The following ATP9B variants were observed in gnomAD, a reference collection of about 807,000 sequenced individuals.
ATP9B encodes probable phospholipid-transporting ATPase IIB.
ATP9B carries 110 observed loss-of-function variants against 146.1 expected under a neutral mutation model. The observed-to-expected ratio is 0.75, with a 90% confidence interval of 0.65 to 0.88. The LOEUF is 0.88. Among genes scored for constraint, ATP9B ranks in the 40% least tolerant of loss-of-function variants. The probability of loss-of-function intolerance (pLI) is 0.00; values close to 1 mark genes in which losing one functional copy is unlikely to be tolerated. For synonymous variants in ATP9B, 604 were observed against 569.7 expected, an observed-to-expected ratio of 1.06 and a Z score of -0.86; for missense variants, 1,499 against 1,496.4, an observed-to-expected ratio of 1.00 and a Z score of -0.03.
chr18:79,148,454 A>G (rs7244059), intron 6 of ATP9B, among the ~76,000 whole-genome samples: 37,980 of 152,104 alleles, frequency 0.25, 5,075 homozygotes, highest in East Asian at 0.5. Context: ...GCATTCTAAA[A>G]TCAAGCAGTG....
At chr18:79,096,435 C>G in intron 1 of ATP9B, 41 bp from the exon 2 acceptor site, 4 of 1,570,204 alleles carry the variant, frequency 2.5e-6, no homozygotes, top group Non-Finnish European at 3.5e-6. Context: ...GTAAAGAAGA[C>G]TGCTTGGCCT....
intron 15 of ATP9B, among the ~76,000 whole-genome samples, chr18:79,310,213 G>C (rs2096645077): frequency 6.6e-6 from 1 of 152,224 alleles, no homozygotes; most frequent in Admixed American, 6.5e-5. Flanking sequence ...ACAGACCGTA[G>C]CCGCCATGAG....
intron 13 of ATP9B, among the ~76,000 whole-genome samples, chr18:79,289,613 G>A (rs528818218): frequency 2.0e-5 from 3 of 152,254 alleles, no homozygotes; most frequent in South Asian, 2.1e-4. Context: ...CTCTCAACTC[G>A]TCAAAGTCAT....
intron 7 of ATP9B, among the ~76,000 whole-genome samples, chr18:79,171,239 T>C (rs1434263132): frequency 2.0e-5 from 3 of 152,218 alleles, no homozygotes; most frequent in Non-Finnish European, 4.4e-5. Flanking sequence ...TCAGTACCAT[T>C]GTAGTATATT....
chr18:79,245,824 A>AGGAGGGCACCACCCTACTGACTGC lies in ATP9B; in HGVS notation c.1108-7546_1108-7523dup, dbSNP rs1568483911. 5.8e-4 allele frequency among the ~76,000 whole-genome samples: 77 copies of AGGAGGGCACCACCCTACTGACTGC among 133,688 alleles called. 2 individuals carry two copies. The highest frequency in any genetic ancestry group is 2.8e-4 in the Non-Finnish European group (18 of 63,946). 87.7% of individuals were successfully genotyped at this position (133,688 alleles called of 152,430 possible). The stretch of plus-strand genomic sequence containing the variant: ...GAGGAGGGTACCACCCTACTGACTG[A>AGGAGGGCACCACCCTACTGACTGC]GGAGGGCACCACCCTACTGACTGCG... On this transcript the variant is annotated intron_variant, in intron 11 of 29. Transcript: ENST00000426216.
intron 1 of ATP9B, among the ~76,000 whole-genome samples, chr18:79,095,482 C>T (rs894960892): frequency 1.3e-5 from 2 of 152,188 alleles, no homozygotes; most frequent in Admixed American, 6.5e-5. Context: ...GGAATACTTA[C>T]TTTTCTCCTT....
intron 7 of ATP9B, chr18:79,174,045 T>C: frequency 3.1e-6 from 1 of 318,846 alleles, no homozygotes. Context: ...TGGACTGCAC[T>C]TTTCCTCCTC....
At chr18:79,261,574 G>T (rs964725236) in intron 12 of ATP9B, among the ~76,000 whole-genome samples, 1 of 152,114 alleles carries the variant, frequency 6.6e-6, no homozygotes, top group Admixed American at 6.5e-5. Context: ...ACCAGTCCAG[G>T]AGGAAACAGC....
At chr18:79,374,966 T>A (rs1369866434) in intron 28 of ATP9B, among the ~76,000 whole-genome samples, 2 of 152,348 alleles carry the variant, frequency 1.3e-5, no homozygotes, top group East Asian at 3.9e-4. Context: ...AGCTTTTGCA[T>A]CTGCAAACTG....
chr18:79,125,817 G>A (rs1278565010), intron 4 of ATP9B, among the ~76,000 whole-genome samples: 2 of 152,104 alleles, frequency 1.3e-5, no homozygotes, highest in African/African-American at 2.4e-5. Flanking sequence ...TAAGAAAATC[G>A]ATGTGTGATT....
chr18:79,085,297 A>G (rs1249857774), intron 1 of ATP9B: 1 of 152,160 alleles, frequency 6.6e-6, no homozygotes, highest in East Asian at 1.9e-4. Context: ...ACTAGGCCCC[A>G]CCTCTGACAT....
At chr18:79,195,259 G>T (rs2095407759) in intron 9 of ATP9B, among the ~76,000 whole-genome samples, 1 of 96,242 alleles carries the variant, frequency 1.0e-5, no homozygotes, top group South Asian at 3.2e-4. Context: ...TTATTATTAT[G>T]AATAGAAGAA....
chr18:79,263,443 A>C (rs1351110586), intron 12 of ATP9B, among the ~76,000 whole-genome samples: 2 of 152,218 alleles, frequency 1.3e-5, no homozygotes, highest in Non-Finnish European at 2.9e-5. Context: ...GACTTACTAA[A>C]AAGAGTCCAT....
chr18:79,090,320 T>G (rs1408683391), intron 1 of ATP9B, among the ~76,000 whole-genome samples: 1 of 152,234 alleles, frequency 6.6e-6, no homozygotes, highest in African/African-American at 2.4e-5. Context: ...ATATAGTAGC[T>G]CAATTTTTAG....
intron 17 of ATP9B, among the ~76,000 whole-genome samples, chr18:79,332,592 A>C (rs1272881885): frequency 1.3e-5 from 2 of 152,176 alleles, no homozygotes; most frequent in African/African-American, 4.8e-5. Context: ...AGGAGGGCAG[A>C]GGCAGAACAG....
chr18:79,160,506 C>G (rs544945526), intron 7 of ATP9B, among the ~76,000 whole-genome samples: 185 of 152,076 alleles, frequency 1.2e-3, no homozygotes, highest in Non-Finnish European at 1.8e-3. Flanking sequence ...TATTAATTGC[C>G]CTTTTAACAG....
chr18:79,119,430 T>C (rs556567164), intron 4 of ATP9B, among the ~76,000 whole-genome samples: 24 of 152,378 alleles, frequency 1.6e-4, no homozygotes, highest in African/African-American at 5.3e-4. Context: ...TTTAGTCCTT[T>C]AGCTTGAATT....
chr18:79,175,692 T>C (rs780813847), intron 7 of ATP9B, among the ~76,000 whole-genome samples: 2 of 152,192 alleles, frequency 1.3e-5, no homozygotes, highest in African/African-American at 2.4e-5. Flanking sequence ...TTCACAGTTA[T>C]ACATGCATAT....
rs546839696 is a variant in ATP9B, at chr18:79,107,502, G to A, written c.294-2853G>A. On this transcript the variant is annotated intron_variant, in intron 2 of 29. Coordinates refer to ENST00000426216, the MANE Select transcript of ATP9B (RefSeq NM_198531.5). ...GTTGGGAGGCAGGAGAGTGAAGACC[G>A]AGGCCTCGGGGGCTTCCTCCGTGGG... 5.3e-5 allele frequency among the ~76,000 whole-genome samples: 8 copies of A among 152,228 alleles called. No individual in the cohort carries two copies. In the South Asian group the frequency reaches 8.3e-4, roughly 16 times the overall value.
Sources: gnomAD v4.1 joint callset for allele counts (sites outside exome capture counted in the v4.1 genomes callset) on GRCh38, gnomAD v4.1.1 for gene constraint, MANE v1.5 for transcripts, NCBI Gene and HGNC (gene_info 2026-07-23, HGNC 2026-07-21) for gene names.